LAMA2: variants seen among roughly 807,000 people sequenced by gnomAD.
LAMA2 encodes the protein laminin subunit alpha-2.
Under a neutral mutation model 364.8 loss-of-function variants are expected in LAMA2, and 269 were observed. That is an observed-to-expected ratio of 0.74 (90% CI 0.67 to 0.82). The LOEUF is 0.82. LAMA2 is among the 40% of genes least tolerant of loss of function. LAMA2 has a pLI of 0.00. For synonymous variants in LAMA2, 1,379 were observed against 1,370.6 expected, an observed-to-expected ratio of 1.01 and a Z score of -0.14; for missense variants, 3,807 against 3,873.2, an observed-to-expected ratio of 0.98 and a Z score of 0.45.
chr6:129,307,121 T>C (rs1773925372), intron 22 of LAMA2, among the ~76,000 whole-genome samples: 1 of 152,254 alleles, frequency 6.6e-6, no homozygotes, highest in African/African-American at 2.4e-5. Flanking sequence ...CACGGGTCAC[T>C]TGGATTCTTT....
intron 41 of LAMA2, among the ~76,000 whole-genome samples, chr6:129,428,211 C>T (rs1781418691): frequency 6.6e-6 from 1 of 152,162 alleles, no homozygotes; most frequent in African/African-American, 2.4e-5. Context: ...AGGAGGATCC[C>T]TTGGTGCCAA....
At chr6:129,433,283 A>G (rs982828847) in intron 41 of LAMA2, among the ~76,000 whole-genome samples, 1 of 152,156 alleles carries the variant, frequency 6.6e-6, no homozygotes, top group Admixed American at 6.5e-5. Context: ...GGGTGTAGCA[A>G]CCTTATCAAA....
chr6:129,222,756 G>A (rs1232999632), intron 12 of LAMA2, among the ~76,000 whole-genome samples: 1 of 151,900 alleles, frequency 6.6e-6, no homozygotes, highest in African/African-American at 2.4e-5. Context: ...TGGACATTTG[G>A]GTTGGTTCCA....
intron 22 of LAMA2, among the ~76,000 whole-genome samples, chr6:129,308,690 A>G (rs958946377): frequency 1.3e-5 from 2 of 152,312 alleles, no homozygotes; most frequent in South Asian, 4.1e-4. Flanking sequence ...GCATTGCTAT[A>G]AAGAAATACC....
At chr6:129,275,026 G>A (rs974908793) in intron 17 of LAMA2, among the ~76,000 whole-genome samples, 1 of 151,954 alleles carries the variant, frequency 6.6e-6, no homozygotes, top group African/African-American at 2.4e-5. Context: ...TAATATCACT[G>A]TAAATACTAC....
chr6:128,911,610 C>G (rs902292910), intron 1 of LAMA2, among the ~76,000 whole-genome samples: 3 of 152,128 alleles, frequency 2.0e-5, no homozygotes, highest in Non-Finnish European at 4.4e-5. Context: ...GCGTCGCTCA[C>G]GCTGGGAGCT....
intron 17 of LAMA2, among the ~76,000 whole-genome samples, chr6:129,275,412 T>C (rs557459228): frequency 7.2e-5 from 11 of 152,126 alleles, no homozygotes; most frequent in African/African-American, 2.4e-4. Flanking sequence ...TCATATATTT[T>C]GACTCACCTC....
chr6:129,398,886 C>T (rs1406853390), intron 37 of LAMA2, among the ~76,000 whole-genome samples: 1 of 152,146 alleles, frequency 6.6e-6, no homozygotes, highest in East Asian at 1.9e-4. Context: ...AGGAGACAGT[C>T]ACTAAGTCAA....
chr6:128,951,554 T>C (rs1363954158), intron 1 of LAMA2, among the ~76,000 whole-genome samples: 1 of 152,146 alleles, frequency 6.6e-6, no homozygotes, highest in Non-Finnish European at 1.5e-5. Context: ...GCCAGTCCAC[T>C]GAACTGTAGC....
chr6:129,318,464 G>C (rs2114508633), intron 27 of LAMA2, among the ~76,000 whole-genome samples: 1 of 152,192 alleles, frequency 6.6e-6, no homozygotes, highest in Non-Finnish European at 1.5e-5. Context: ...TGCCATTCAA[G>C]CTTCACTTGA....
At chr6:129,160,869 G>A (rs183721031) in intron 8 of LAMA2, among the ~76,000 whole-genome samples, 1 of 151,756 alleles carries the variant, frequency 6.6e-6, no homozygotes, top group East Asian at 1.9e-4. Flanking sequence ...TTCTACACTG[G>A]ATGTTTATGA....
At chr6:129,264,192 A>T (rs1201160737) in intron 15 of LAMA2, among the ~76,000 whole-genome samples, 1 of 152,196 alleles carries the variant, frequency 6.6e-6, no homozygotes, top group Non-Finnish European at 1.5e-5. Flanking sequence ...CATGGCAGGG[A>T]ATATAAAAAG....
At chr6:129,066,903 T>C (rs9375613) in intron 3 of LAMA2, among the ~76,000 whole-genome samples, 113,736 of 152,114 alleles carry the variant, frequency 0.75, 44,538 homozygotes, top group East Asian at 0.97. Context: ...CCTTATCTCA[T>C]GCCATATAAA....
intron 12 of LAMA2, among the ~76,000 whole-genome samples, chr6:129,224,040 C>T (rs1357695016): frequency 7.9e-5 from 12 of 152,152 alleles, no homozygotes; most frequent in African/African-American, 2.7e-4. Context: ...ATTTGCAGTT[C>T]TCCTTGAAGA....
At chr6:128,943,074 G>T (rs1014575331) in intron 1 of LAMA2, among the ~76,000 whole-genome samples, 4 of 151,878 alleles carry the variant, frequency 2.6e-5, no homozygotes, top group Non-Finnish European at 5.9e-5. Context: ...AAGACATATA[G>T]GTTTTATTTC....
chr6:129,506,308 GC>G (rs1209662835), intron 61 of LAMA2, among the ~76,000 whole-genome samples: 1 of 151,944 alleles, frequency 6.6e-6, no homozygotes, highest in Non-Finnish European at 1.5e-5. Context: ...AGCTGTAATA[GC>G]ACCACTGCAT....
intron 1 of LAMA2, among the ~76,000 whole-genome samples, chr6:128,926,448 G>T (rs1476945981): frequency 1.3e-5 from 2 of 152,108 alleles, no homozygotes; most frequent in Non-Finnish European, 2.9e-5. Flanking sequence ...AATCTGATTT[G>T]TTCTCAATAT....
At chr6:129,117,166 C>A (rs530698702) in intron 4 of LAMA2, among the ~76,000 whole-genome samples, 4 of 152,078 alleles carry the variant, frequency 2.6e-5, no homozygotes, top group African/African-American at 7.2e-5. Context: ...ACTTTCAAGA[C>A]GAACATTTTA....
chr6:129,077,120 G>C (rs1337848290), intron 3 of LAMA2, among the ~76,000 whole-genome samples: 1 of 152,094 alleles, frequency 6.6e-6, no homozygotes, highest in African/African-American at 2.4e-5. Context: ...TTGTGGGCTA[G>C]AATATATGAT....
Sources: allele counts gnomAD v4.1 joint callset (sites outside exome capture counted in the v4.1 genomes callset), GRCh38; gene constraint gnomAD v4.1.1; transcripts MANE v1.5; gene names NCBI Gene and HGNC (gene_info 2026-07-23, HGNC 2026-07-21).